The following REEP5 variants were observed in gnomAD, a reference collection of about 807,000 sequenced individuals.
The protein encoded by REEP5 is receptor accessory protein 5, also known as receptor expression-enhancing protein 5.
A neutral mutation model predicts 22.4 loss-of-function variants in REEP5; 24 were observed. The observed-to-expected ratio is 1.07, with a 90% CI of 0.78 to 1.51. The LOEUF (loss-of-function observed/expected upper bound fraction) is 1.51. REEP5 is among the 40% of genes most tolerant of loss of function. The pLI is 0.00. For synonymous variants in REEP5, 103 were observed against 88.6 expected, an observed-to-expected ratio of 1.16 and a Z score of -0.92; for missense variants, 252 against 233.0, an observed-to-expected ratio of 1.08 and a Z score of -0.53.
intron 4 of REEP5, chr5:112,882,040 G>A (rs35726351): frequency 0.4 from 61,815 of 153,162 alleles, 13,785 homozygotes; most frequent in African/African-American, 0.62. Context: ...TGGAAGTGCT[G>A]TGATTACAGG....
chr5:112,917,982 T>A (rs1303058007), intron 2 of REEP5, among the ~76,000 whole-genome samples: 1 of 152,190 alleles, frequency 6.6e-6, no homozygotes, highest in East Asian at 1.9e-4. Flanking sequence ...AGTGTACAAT[T>A]TATAAGTATC....
intron 2 of REEP5, among the ~76,000 whole-genome samples, chr5:112,911,284 A>T (rs192877357): frequency 6.6e-6 from 1 of 152,322 alleles, no homozygotes; most frequent in East Asian, 1.9e-4. Flanking sequence ...ACATGAGGTA[A>T]TTCAAGGTCA....
intron 2 of REEP5, among the ~76,000 whole-genome samples, chr5:112,908,546 GAC>G (rs1769017491): frequency 6.7e-6 from 1 of 148,738 alleles, no homozygotes; most frequent in Non-Finnish European, 1.5e-5. Flanking sequence ...TTTTTTTTAA[GAC>G]AGAGTCACAT....
chr5:112,896,260 C>T (rs1006766391), intron 3 of REEP5: 1 of 152,640 alleles, frequency 6.6e-6, no homozygotes, highest in Non-Finnish European at 1.5e-5. Flanking sequence ...TGGCTTACGC[C>T]TGTAATCCTA....
chr5:112,887,076 G>A lies in REEP5; in HGVS notation c.459C>T (p.Asp153=), dbSNP rs1768273778. The change falls in exon 4 of 5, where the codon GAC becomes GAT. Residue 153 remains aspartate, a synonymous_variant. Coordinates refer to ENST00000379638, the MANE Select transcript of REEP5 (RefSeq NM_005669.5). Reference sequence around the variant, plus strand: ...TGTCTTTAAGGTCCTTGACCACACTGTCCATCTGGGACTCGTGCTTCAGGA... The same window carrying A: ...TGTCTTTAAGGTCCTTGACCACACTATCCATCTGGGACTCGTGCTTCAGGA... The part of the protein sequence containing the change: ...PFFLKHESQM[D]SVVKDLKDKA... The A allele has an allele frequency of 6.2e-7, 1 of 1,613,716 alleles. No individual in the cohort carries two copies. The highest frequency in any genetic ancestry group is 8.5e-7 in the Non-Finnish European group (1 of 1,179,850).
At chr5:112,885,475 A>G (rs145165803) in intron 4 of REEP5, 4 of 194,992 alleles carry the variant, frequency 2.1e-5, no homozygotes, top group East Asian at 1.4e-4. Context: ...AATTCCATCT[A>G]TTTGATGCTT....
chr5:112,883,451 A>T (rs1423267274), intron 4 of REEP5, among the ~76,000 whole-genome samples: 1 of 152,124 alleles, frequency 6.6e-6, no homozygotes, highest in African/African-American at 2.4e-5. Flanking sequence ...CAGGGATACC[A>T]CACGCTCATG....
At chr5:112,893,003 C>G in intron 3 of REEP5, 1 of 1,567,230 alleles carries the variant, frequency 6.4e-7, no homozygotes, top group South Asian at 1.1e-5. Context: ...AGCCAAAGTT[C>G]CTCTAGGTGC....
intron 2 of REEP5, among the ~76,000 whole-genome samples, chr5:112,917,801 G>A (rs1769263305): frequency 6.6e-6 from 1 of 152,182 alleles, no homozygotes; most frequent in Admixed American, 6.5e-5. Context: ...CTCAGAATAG[G>A]CAAACTCATA....
chr5:112,890,643 G>T (rs1179283974), intron 3 of REEP5, among the ~76,000 whole-genome samples: 1 of 150,514 alleles, frequency 6.6e-6, no homozygotes, highest in Non-Finnish European at 1.5e-5. Context: ...CTCCTAAAGT[G>T]CTGGGATTAC....
chr5:112,879,326 G>GT (rs1767995178), intron 4 of REEP5, among the ~76,000 whole-genome samples: 1 of 236 alleles, frequency 4.2e-3, no homozygotes, highest in Non-Finnish European at 5.9e-3. Context: ...ATATGTGTTT[G>GT]GGGGGGGGGG....
chr5:112,901,266 T>C (rs1163059702), intron 3 of REEP5, among the ~76,000 whole-genome samples: 2 of 151,948 alleles, frequency 1.3e-5, no homozygotes, highest in Non-Finnish European at 2.9e-5. Context: ...AATGAGAAAA[T>C]ATTAGCAATA....
chr5:112,891,337 T>C (rs558926648), intron 3 of REEP5, among the ~76,000 whole-genome samples: 47 of 152,120 alleles, frequency 3.1e-4, no homozygotes, highest in Non-Finnish European at 6.6e-4. Context: ...CCTCCTAAAG[T>C]GCTGGGATTA....
intron 2 of REEP5, among the ~76,000 whole-genome samples, chr5:112,906,445 TACATAC>T (rs1000584898): frequency 6.6e-5 from 10 of 152,304 alleles, no homozygotes; most frequent in African/African-American, 2.4e-4. Context: ...TGAATTACTA[TACATAC>T]AATAGGAGGT....
At chr5:112,885,930 T>C (rs1344277013) in intron 4 of REEP5, among the ~76,000 whole-genome samples, 1 of 152,184 alleles carries the variant, frequency 6.6e-6, no homozygotes, top group African/African-American at 2.4e-5. Context: ...ATCTCCAATC[T>C]ACTTCCATCC....
At chr5:112,915,048 T>C (rs1003701425) in intron 2 of REEP5, among the ~76,000 whole-genome samples, 14 of 152,248 alleles carry the variant, frequency 9.2e-5, no homozygotes, top group African/African-American at 3.4e-4. Flanking sequence ...ATGTTATATT[T>C]GTATTTATAC....
rs1430116087 is a variant in REEP5, at chr5:112,877,467, T to C, written c.*1319A>G. ...TCTCTATAACGATTTGGCAGATCAATGGAGACATCCGTTTTAACTTTACTG... is the reference window on the plus strand; with the variant it reads ...TCTCTATAACGATTTGGCAGATCAACGGAGACATCCGTTTTAACTTTACTG... On this transcript the variant is annotated 3_prime_UTR_variant, in exon 5 of 5. Coordinates refer to ENST00000379638, the MANE Select transcript of REEP5 (RefSeq NM_005669.5). The C allele has an allele frequency of 6.6e-6, 1 of 152,196 alleles. No homozygotes were observed. Among genetic ancestry groups the C allele is most frequent in the African/African-American group, 2.4e-5 (1 of 41,454 alleles). The allele number at this position is 152,196 out of a possible 1,614,324, so 9.4% of individuals were successfully genotyped here.
chr5:112,892,305 T>C (rs560842182), intron 3 of REEP5: 3 of 1,614,076 alleles, frequency 1.9e-6, no homozygotes, highest in Non-Finnish European at 2.5e-6. Flanking sequence ...GCAGGAGGGA[T>C]GACTATGACC....
chr5:112,903,736 C>G (rs985055023), intron 2 of REEP5, among the ~76,000 whole-genome samples: 12 of 152,002 alleles, frequency 7.9e-5, no homozygotes, highest in African/African-American at 2.9e-4. Flanking sequence ...AGAAAATAAC[C>G]AAAAGGGGAA....
Sources: gnomAD v4.1 joint callset for allele counts (sites outside exome capture counted in the v4.1 genomes callset) on GRCh38, gnomAD v4.1.1 for gene constraint, MANE v1.5 for transcripts, NCBI Gene and HGNC (gene_info 2026-07-23, HGNC 2026-07-21) for gene names.